PTPRD: variants seen among roughly 807,000 people sequenced by gnomAD.
The protein encoded by PTPRD is receptor-type tyrosine-protein phosphatase delta.
A neutral mutation model predicts 214.5 loss-of-function variants in PTPRD; 34 were observed. That is an observed-to-expected ratio of 0.16 (90% CI 0.12 to 0.21). The LOEUF (loss-of-function observed/expected upper bound fraction) is 0.21. PTPRD is among the 10% of genes least tolerant of loss of function. The pLI is 1.00. For missense variants in PTPRD, 2,545 were observed against 2,398.7 expected (o/e 1.06, Z -1.27); for synonymous variants, 1,128 against 845.7 (o/e 1.33, Z -5.79).
At chr9:9,352,182 G>A (rs10977677) in intron 9 of PTPRD, among the ~76,000 whole-genome samples, 4,315 of 151,662 alleles carry the variant, frequency 0.028, 85 homozygotes, top group East Asian at 0.075. Flanking sequence ...CACATGAAGA[G>A]CACCTTCACT....
chr9:10,082,620 A>G (rs762735939), intron 3 of PTPRD, among the ~76,000 whole-genome samples: 1 of 152,000 alleles, frequency 6.6e-6, no homozygotes, highest in Non-Finnish European at 1.5e-5. Flanking sequence ...GCATTTGAGA[A>G]GTTATAAGGC....
At chr9:8,456,817 G>C (rs972439203) in intron 33 of PTPRD, among the ~76,000 whole-genome samples, 1 of 149,126 alleles carries the variant, frequency 6.7e-6, no homozygotes, top group African/African-American at 2.5e-5. Context: ...TTTGCCTGAA[G>C]TGCATCTCAG....
chr9:8,519,873 C>T (rs779904847), intron 20 of PTPRD, among the ~76,000 whole-genome samples: 7 of 152,048 alleles, frequency 4.6e-5, no homozygotes, highest in Non-Finnish European at 1.0e-4. Context: ...GTGGCCCCTG[C>T]TTTTGAATTC....
chr9:9,434,460 A>G (rs915829039), intron 8 of PTPRD, among the ~76,000 whole-genome samples: 1 of 152,232 alleles, frequency 6.6e-6, no homozygotes, highest in African/African-American at 2.4e-5. Flanking sequence ...TACAGATTTT[A>G]TGCAATCCCT....
At chr9:9,435,613 G>A (rs956723229) in intron 8 of PTPRD, among the ~76,000 whole-genome samples, 1 of 151,984 alleles carries the variant, frequency 6.6e-6, no homozygotes, top group Non-Finnish European at 1.5e-5. Context: ...TTTTTCAACT[G>A]CCTTTCATAA....
intron 12 of PTPRD, among the ~76,000 whole-genome samples, chr9:8,698,913 T>C (rs1350228230): frequency 1.3e-5 from 2 of 151,306 alleles, no homozygotes. Context: ...ATCTCAAAAC[T>C]GGCATCTACA....
chr9:10,210,677 G>A (rs1219872831), intron 3 of PTPRD, among the ~76,000 whole-genome samples: 2 of 148,454 alleles, frequency 1.3e-5, no homozygotes, highest in African/African-American at 4.9e-5. Flanking sequence ...ATATGTATAT[G>A]TTTATATATA....
intron 11 of PTPRD, among the ~76,000 whole-genome samples, chr9:8,908,126 G>A (rs949958196): frequency 1.3e-5 from 2 of 152,034 alleles, no homozygotes; most frequent in Non-Finnish European, 2.9e-5. Context: ...AAACAATGGG[G>A]GCCAGAAGAC....
At chr9:8,501,923 C>T (rs1347136785) in intron 23 of PTPRD, among the ~76,000 whole-genome samples, 1 of 152,126 alleles carries the variant, frequency 6.6e-6, no homozygotes, top group African/African-American at 2.4e-5. Context: ...AATCATTTAT[C>T]CCTTACAAAA....
chr9:8,538,392 T>C (rs955485351), intron 14 of PTPRD, among the ~76,000 whole-genome samples: 3 of 151,992 alleles, frequency 2.0e-5, no homozygotes, highest in Middle Eastern at 3.4e-3. Flanking sequence ...CCTGCATCCA[T>C]TATTTGTTAG....
At chr9:8,402,876 G>A (rs145293610) in intron 36 of PTPRD, among the ~76,000 whole-genome samples, 13 of 152,146 alleles carry the variant, frequency 8.5e-5, no homozygotes, top group African/African-American at 3.1e-4. Context: ...TGTTTTCAGT[G>A]TGGAAAAAGG....
intron 3 of PTPRD, among the ~76,000 whole-genome samples, chr9:10,081,112 TTAAGGCA>T (rs908546670): frequency 1.3e-5 from 2 of 151,984 alleles, no homozygotes; most frequent in African/African-American, 4.8e-5. Context: ...CATCTTATAG[TTAAGGCA>T]TAAGGATAAA....
intron 12 of PTPRD, among the ~76,000 whole-genome samples, chr9:8,691,396 G>GAA (rs58521011): frequency 1.3e-3 from 153 of 113,688 alleles, no homozygotes; most frequent in African/African-American, 4.2e-3. Context: ...CTTCTCTAGA[G>GAA]AAAAAAAAAA....
At chr9:9,916,643 A>T (rs1161597751) in intron 5 of PTPRD, among the ~76,000 whole-genome samples, 1 of 152,060 alleles carries the variant, frequency 6.6e-6, no homozygotes, top group Non-Finnish European at 1.5e-5. Context: ...CTGTGCAAAC[A>T]GAAACCAAAA....
intron 7 of PTPRD, among the ~76,000 whole-genome samples, chr9:9,653,671 A>C (rs2096435065): frequency 6.6e-6 from 1 of 152,122 alleles, no homozygotes; most frequent in South Asian, 2.1e-4. Context: ...TTCCAATATA[A>C]GCTTTGAAAT....
At chr9:8,642,024 A>G (rs765574383) in intron 12 of PTPRD, among the ~76,000 whole-genome samples, 6 of 152,194 alleles carry the variant, frequency 3.9e-5, no homozygotes, top group Non-Finnish European at 7.4e-5. Context: ...TTCGTACACT[A>G]TACTAAGTAG....
intron 3 of PTPRD, among the ~76,000 whole-genome samples, chr9:10,289,880 G>A (rs1418370312): frequency 2.0e-5 from 3 of 152,180 alleles, no homozygotes; most frequent in Non-Finnish European, 4.4e-5. Context: ...CTTAAGCAGT[G>A]TTCAGAGAAA....
chr9:9,199,984 T>G (rs1382718671), intron 9 of PTPRD, among the ~76,000 whole-genome samples: 1 of 152,188 alleles, frequency 6.6e-6, no homozygotes, highest in Non-Finnish European at 1.5e-5. Context: ...CCTATTTACC[T>G]ACATAAAGTT....
At chr9:9,689,122 T>C (rs2097216981) in intron 7 of PTPRD, among the ~76,000 whole-genome samples, 1 of 151,918 alleles carries the variant, frequency 6.6e-6, no homozygotes. Context: ...TCTGTTTGAG[T>C]TTCTTATCAA....
Sources: allele counts gnomAD v4.1 joint callset (sites outside exome capture counted in the v4.1 genomes callset), GRCh38; gene constraint gnomAD v4.1.1; transcripts MANE v1.5; gene names NCBI Gene and HGNC (gene_info 2026-07-23, HGNC 2026-07-21).